Variants in PDE8A observed in about 807,000 individuals in gnomAD.
PDE8A encodes high affinity cAMP-specific and IBMX-insensitive 3',5'-cyclic phosphodiesterase 8A.
Under a neutral mutation model 105.0 loss-of-function variants are expected in PDE8A, and 59 were observed. The observed-to-expected ratio is 0.56, with a 90% CI of 0.46 to 0.70. The LOEUF is 0.70. PDE8A is among the 30% of genes least tolerant of loss of function. The pLI, the probability that PDE8A is intolerant of heterozygous loss-of-function variation, is 0.00. For synonymous variants in PDE8A, 355 were observed against 371.9 expected (o/e 0.95, Z 0.52); for missense variants, 1,014 against 1,045.9 (o/e 0.97, Z 0.42).
At chr15:85,090,725 G>A (rs1184186253) in intron 7 of PDE8A, 1 of 411,096 alleles carries the variant, frequency 2.4e-6, no homozygotes, top group Non-Finnish European at 4.9e-6. Context: ...CAGCCCTGTT[G>A]TAGCAGCTCC....
At chr15:85,074,525 AC>A (rs2081355523) in intron 3 of PDE8A, among the ~76,000 whole-genome samples, 1 of 152,044 alleles carries the variant, frequency 6.6e-6, no homozygotes, top group Non-Finnish European at 1.5e-5. Context: ...ATGTAGTGAG[AC>A]CTCGTCTCTA....
intron 5 of PDE8A, among the ~76,000 whole-genome samples, chr15:85,077,022 C>CTTAAAAAAAAAA (rs1234353122): frequency 1.3e-5 from 2 of 151,576 alleles, no homozygotes; most frequent in Non-Finnish European, 2.9e-5. Context: ...CTCAATCGTA[C>CTTAAAAAAAAAA]TTAAAAAAAA....
chr15:85,018,351 G>T (rs1195319181), intron 1 of PDE8A, among the ~76,000 whole-genome samples: 1 of 152,146 alleles, frequency 6.6e-6, no homozygotes, highest in African/African-American at 2.4e-5. Flanking sequence ...CTTCCTTGAG[G>T]ATTTTTTGTT....
chr15:85,051,222 T>C (rs1478456836), intron 1 of PDE8A, among the ~76,000 whole-genome samples: 1 of 152,214 alleles, frequency 6.6e-6, no homozygotes, highest in East Asian at 1.9e-4. Context: ...TGTGGAATCT[T>C]TAGGGTTTTC....
chr15:85,053,752 G>A (rs1162454360), intron 1 of PDE8A, among the ~76,000 whole-genome samples: 2 of 152,206 alleles, frequency 1.3e-5, no homozygotes, highest in Non-Finnish European at 2.9e-5. Flanking sequence ...ATACAATCAT[G>A]TCATCTGCAA....
At position 85,109,039 on chromosome 15, in the gene PDE8A, A is replaced by G; in HGVS notation, c.1037-14A>G. 6 of 1,571,470 alleles carry G rather than the reference A, an allele frequency of 3.8e-6. No homozygotes were observed. Among genetic ancestry groups the G allele is most frequent in the Non-Finnish European group, 4.4e-6 (5 of 1,144,002 alleles). ...AATATCTTTGAAGAGGTGATTTATC[A>G]TTTGTTTCTACAGATAATCAGACAG... On this transcript the variant is annotated splice_polypyrimidine_tract_variant and intron_variant, in intron 11 of 21. Coordinates refer to ENST00000394553, the MANE Select transcript of PDE8A (RefSeq NM_002605.3).
At chr15:84,981,630 C>A (rs2079709012), upstream of PDE8A, among the ~76,000 whole-genome samples, 1 of 152,024 alleles carries the variant, frequency 6.6e-6, no homozygotes, top group Admixed American at 6.5e-5. Context: ...TTCCGCGAGG[C>A]GGCGGCCCAG....
intron 1 of PDE8A, among the ~76,000 whole-genome samples, chr15:85,056,515 C>T (rs1349591067): frequency 5.9e-5 from 9 of 152,038 alleles, no homozygotes; most frequent in Admixed American, 5.2e-4. Flanking sequence ...TTTCTTTTTA[C>T]TCATTTTTCT....
chr15:85,104,590 C>T (rs1307292674), intron 11 of PDE8A, among the ~76,000 whole-genome samples: 1 of 151,980 alleles, frequency 6.6e-6, no homozygotes. Flanking sequence ...ATTTGGGAAC[C>T]AGCTTACTGT....
At chr15:85,115,773 T>C in intron 15 of PDE8A, 3 of 544,572 alleles carry the variant, frequency 5.5e-6, no homozygotes, top group Non-Finnish European at 9.7e-6. Flanking sequence ...TACAAAAAAT[T>C]AGCCAGGCAT....
chr15:85,083,592 A>G lies in PDE8A; in HGVS notation c.583A>G (p.Asn195Asp), dbSNP rs145121842. The change falls in exon 6 of 22, where the codon AAT becomes GAT. Residue 195 changes from asparagine to aspartate, a missense_variant. Asn to Asp is a conservative substitution (Grantham distance 23). Coordinates refer to ENST00000394553, the MANE Select transcript of PDE8A (RefSeq NM_002605.3). ...AAACCCCAACATCATGGCCTGCTACAATGAACTGCTCCAGCTGGAGTTTGG... is the reference window on the plus strand; with the variant it reads ...AAACCCCAACATCATGGCCTGCTACGATGAACTGCTCCAGCTGGAGTTTGG... ...VENPNIMACY[N>D]ELLQLEFGEV... 7 of 1,613,630 alleles carry G rather than the reference A, an allele frequency of 4.3e-6. No homozygotes were observed. Among genetic ancestry groups the G allele is most frequent in the Non-Finnish European group, 5.9e-6 (7 of 1,179,652 alleles).
At chr15:85,075,822 T>G (rs368699459) in intron 3 of PDE8A, 40 bp from the exon 4 acceptor site, 89 of 1,161,420 alleles carry the variant, frequency 7.7e-5, no homozygotes, top group Non-Finnish European at 9.9e-5. Flanking sequence ...TTTTAAGGAT[T>G]ATTTTTATAT....
intron 1 of PDE8A, among the ~76,000 whole-genome samples, chr15:85,010,030 A>G (rs1390809881): frequency 6.6e-6 from 1 of 152,234 alleles, no homozygotes; most frequent in Non-Finnish European, 1.5e-5. Flanking sequence ...AAAAAAGATT[A>G]CATGCTATAT....
intron 1 of PDE8A, among the ~76,000 whole-genome samples, chr15:85,004,145 G>A (rs2080108874): frequency 6.6e-6 from 1 of 152,198 alleles, no homozygotes; most frequent in East Asian, 1.9e-4. Flanking sequence ...GCCAGCCTCT[G>A]CCACAGCTTC....
chr15:85,049,791 A>G (rs779103048), intron 1 of PDE8A, among the ~76,000 whole-genome samples: 28 of 152,378 alleles, frequency 1.8e-4, no homozygotes, highest in Admixed American at 1.7e-3. Context: ...TGTTATGAAC[A>G]TGTGCATACA....
intron 1 of PDE8A, among the ~76,000 whole-genome samples, chr15:85,013,003 C>A (rs1207661375): frequency 6.6e-6 from 1 of 152,186 alleles, no homozygotes; most frequent in Non-Finnish European, 1.5e-5. Context: ...ACAGCCCCAT[C>A]CACAGTTAAA....
At chr15:85,082,120 G>C (rs560846562) in intron 5 of PDE8A, among the ~76,000 whole-genome samples, 1 of 152,280 alleles carries the variant, frequency 6.6e-6, no homozygotes, top group East Asian at 1.9e-4. Flanking sequence ...TTCCTGTCCA[G>C]TGTTTTTGGG....
intron 1 of PDE8A, among the ~76,000 whole-genome samples, chr15:85,044,459 A>C (rs1344889796): frequency 6.6e-6 from 1 of 152,226 alleles, no homozygotes; most frequent in Admixed American, 6.5e-5. Context: ...CCTTGGTGCC[A>C]TCTTGTGGGT....
At chr15:85,119,400 G>A (rs1420848682) in intron 17 of PDE8A, among the ~76,000 whole-genome samples, 2 of 135,696 alleles carry the variant, frequency 1.5e-5, no homozygotes, top group Admixed American at 8.8e-5. Flanking sequence ...CCCAGGAGGT[G>A]GAGGTTGCAG....
Sources: allele counts gnomAD v4.1 joint callset (sites outside exome capture counted in the v4.1 genomes callset), GRCh38; gene constraint gnomAD v4.1.1; transcripts MANE v1.5; gene names NCBI Gene and HGNC (gene_info 2026-07-23, HGNC 2026-07-21).